Variants in NLK observed in about 807,000 individuals in gnomAD.
NLK encodes the protein serine/threonine-protein kinase NLK.
A neutral mutation model predicts 59.0 loss-of-function variants in NLK; 11 were observed. That is an observed-to-expected ratio of 0.19 (90% CI 0.12 to 0.31). The LOEUF is 0.31. Ranked by LOEUF, NLK falls within the 10% of genes least tolerant of loss-of-function variation. NLK has a pLI of 1.00. For missense variants in NLK, 410 were observed against 661.1 expected (o/e 0.62, Z 4.16); for synonymous variants, 235 against 235.9 (o/e 1.00, Z 0.03).
Position 28,191,238 on chromosome 17 carries a change from C to T in NLK, c.1435+19C>T. ...GTTAAAGGTGAGTATCTGTTTTGGC[C>T]TTTGGCCAGGCAATATGCCTAGTAA... On this transcript the variant is annotated intron_variant, in intron 9 of 10. Transcript: ENST00000407008. 6.3e-7 allele frequency: 1 copy of T among 1,580,934 alleles called. No individual in the cohort carries two copies. The highest frequency in any genetic ancestry group is 8.6e-7 in the Non-Finnish European group (1 of 1,164,802).
intron 8 of NLK, among the ~76,000 whole-genome samples, 179 bp downstream of exon 8, chr17:28,185,444 A>C (rs929367577): frequency 1.2e-4 from 18 of 152,354 alleles, no homozygotes; most frequent in Admixed American, 1.2e-3. Context: ...TTATTAACAC[A>C]TAAGAGTCTA....
chr17:28,111,888 GTGTGTGTGGTGT>G (rs1225450446), intron 1 of NLK, among the ~76,000 whole-genome samples: 10 of 121,256 alleles, frequency 8.2e-5, no homozygotes, highest in African/African-American at 3.2e-4. Flanking sequence ...GTGTGTGTGT[GTGTGTGTGGTGT>G]GTGTGTGTGT....
intron 1 of NLK, among the ~76,000 whole-genome samples, chr17:28,115,988 C>T (rs1905750555): frequency 6.6e-6 from 1 of 151,772 alleles, no homozygotes; most frequent in Admixed American, 6.6e-5. Flanking sequence ...GCTTCATTTG[C>T]TTCAACTATT....
chr17:28,160,561 G>A (rs547604774), intron 3 of NLK, among the ~76,000 whole-genome samples: 1 of 152,262 alleles, frequency 6.6e-6, no homozygotes, highest in Admixed American at 6.5e-5. Flanking sequence ...AGAGTACAAC[G>A]TATAGGAAGC....
intron 4 of NLK, among the ~76,000 whole-genome samples, chr17:28,161,782 A>G (rs1182241622): frequency 6.6e-6 from 1 of 152,196 alleles, no homozygotes; most frequent in Non-Finnish European, 1.5e-5. Context: ...AATTCTAGAC[A>G]GCTCATTAAA....
intron 4 of NLK, 35 bp downstream of exon 4, chr17:28,161,301 C>T: frequency 1.8e-6 from 2 of 1,121,820 alleles, no homozygotes; most frequent in Non-Finnish European, 2.7e-6. Flanking sequence ...GGTGCTGTCA[C>T]ACTGTAAATG....
intron 1 of NLK, among the ~76,000 whole-genome samples, chr17:28,117,700 G>A (rs1905840595): frequency 1.3e-5 from 2 of 151,994 alleles, no homozygotes; most frequent in Admixed American, 6.6e-5. Flanking sequence ...AGCAAATTTG[G>A]GAATCATTTT....
chr17:28,070,202 C>T (rs988972717), intron 1 of NLK, among the ~76,000 whole-genome samples: 8 of 151,676 alleles, frequency 5.3e-5, no homozygotes, highest in African/African-American at 9.7e-5. Flanking sequence ...CACCACCGCG[C>T]TCCAGCCTGG....
Position 28,085,294 on chromosome 17 carries a change from C to T in NLK, c.459-37309C>T, listed in dbSNP as rs181366091. On this transcript the variant is annotated intron_variant, in intron 1 of 10. Transcript: ENST00000407008. Reference sequence around the variant, plus strand: ...GCAGAAAGGAAGTTTCCATTATCATCCCCCAACCCAGAGCATTTTTTGGAG... The same window carrying T: ...GCAGAAAGGAAGTTTCCATTATCATTCCCCAACCCAGAGCATTTTTTGGAG... Among the ~76,000 whole-genome samples, 799 of 152,238 alleles carry T rather than the reference C, an allele frequency of 5.2e-3. 7 individuals are homozygous for T. The highest frequency in any genetic ancestry group is 8.5e-3 in the Non-Finnish European group (580 of 68,022).
chr17:28,106,011 G>A (rs77614280), intron 1 of NLK, among the ~76,000 whole-genome samples: 97 of 152,290 alleles, frequency 6.4e-4, no homozygotes, highest in African/African-American at 2.2e-3. Context: ...AAAATCAGGA[G>A]TAAATTGCAG....
chr17:28,065,937 C>T (rs1277824232), intron 1 of NLK, among the ~76,000 whole-genome samples: 1 of 152,196 alleles, frequency 6.6e-6, no homozygotes, highest in Non-Finnish European at 1.5e-5. Context: ...CCACCTCTTC[C>T]TCAGTTTCTA....
At chr17:28,159,600 A>G (rs1907922327) in intron 3 of NLK, among the ~76,000 whole-genome samples, 2 of 152,356 alleles carry the variant, frequency 1.3e-5, no homozygotes, top group African/African-American at 4.8e-5. Context: ...TGAATCCCAC[A>G]TGCCAAATAT....
chr17:28,155,188 C>G (rs1225112623), intron 3 of NLK, among the ~76,000 whole-genome samples: 3 of 152,076 alleles, frequency 2.0e-5, no homozygotes, highest in Non-Finnish European at 4.4e-5. Context: ...GCAAGGGATT[C>G]CCTTGCTTGT....
At chr17:28,200,028 G>A (rs1909588513), downstream of NLK, among the ~76,000 whole-genome samples, 1 of 152,142 alleles carries the variant, frequency 6.6e-6, no homozygotes, top group African/African-American at 2.4e-5. Flanking sequence ...TCCGATCTGT[G>A]CTTTCAGTTC....
At chr17:28,093,705 C>T (rs1481274848) in intron 1 of NLK, among the ~76,000 whole-genome samples, 5 of 152,178 alleles carry the variant, frequency 3.3e-5, no homozygotes. Context: ...GGGAGTTGTA[C>T]GTAACACGTG....
At chr17:28,176,341 C>T (rs1908680297) in intron 7 of NLK, among the ~76,000 whole-genome samples, 1 of 152,164 alleles carries the variant, frequency 6.6e-6, no homozygotes, top group African/African-American at 2.4e-5. Context: ...AACTAAGCTT[C>T]TTTCAAGTAG....
At chr17:28,180,089 G>A (rs1019251999) in intron 7 of NLK, among the ~76,000 whole-genome samples, 1 of 152,000 alleles carries the variant, frequency 6.6e-6, no homozygotes, top group Admixed American at 6.6e-5. Context: ...TTTAATCGTT[G>A]TCTTTCTGAA....
chr17:28,159,207 G>A (rs1366863251), intron 3 of NLK, among the ~76,000 whole-genome samples: 1 of 152,194 alleles, frequency 6.6e-6, no homozygotes, highest in Non-Finnish European at 1.5e-5. Context: ...AGAGAAGGAA[G>A]AAGGCCAAAT....
At chr17:28,166,592 A>G (rs1386687425) in intron 5 of NLK, among the ~76,000 whole-genome samples, 1 of 152,240 alleles carries the variant, frequency 6.6e-6, no homozygotes, top group Non-Finnish European at 1.5e-5. Context: ...TTGTAAAGTT[A>G]ATCAGTGAGA....
Sources: gnomAD v4.1 joint callset for allele counts (sites outside exome capture counted in the v4.1 genomes callset) on GRCh38, gnomAD v4.1.1 for gene constraint, MANE v1.5 for transcripts, NCBI Gene and HGNC (gene_info 2026-07-23, HGNC 2026-07-21) for gene names.